Variants in DNM3 observed in about 807,000 individuals in gnomAD.
DNM3 encodes dynamin 3.
A neutral mutation model predicts 101.6 loss-of-function variants in DNM3; 47 were observed. That is an observed-to-expected ratio of 0.46 (90% confidence interval 0.37 to 0.59). The LOEUF is 0.59. DNM3 is among the 20% of genes least tolerant of loss of function. DNM3 has a pLI of 0.00. For missense variants in DNM3, 849 were observed against 1,085.7 expected (o/e 0.78, Z 3.06); for synonymous variants, 385 against 387.9 (o/e 0.99, Z 0.09).
intron 2 of DNM3, among the ~76,000 whole-genome samples, chr1:171,926,250 A>G (rs2040563103): frequency 6.6e-6 from 1 of 151,990 alleles, no homozygotes; most frequent in Non-Finnish European, 1.5e-5. Flanking sequence ...ATTCTGTGAA[A>G]GATGATGTTG....
intron 14 of DNM3, among the ~76,000 whole-genome samples, chr1:172,229,460 A>G (rs2061252762): frequency 6.6e-6 from 1 of 152,162 alleles, no homozygotes; most frequent in African/African-American, 2.4e-5. Flanking sequence ...TTTGTAATGA[A>G]CAGCACACTC....
chr1:172,281,787 A>C (rs980358756), intron 15 of DNM3, among the ~76,000 whole-genome samples: 1 of 152,050 alleles, frequency 6.6e-6, no homozygotes, highest in African/African-American at 2.4e-5. Context: ...CACTGAGATA[A>C]ATGTTCCTAA....
intron 2 of DNM3, among the ~76,000 whole-genome samples, chr1:171,960,603 T>C (rs1456160289): frequency 6.6e-6 from 1 of 152,112 alleles, no homozygotes; most frequent in Non-Finnish European, 1.5e-5. Context: ...ATTAATGGGT[T>C]ATTATGAGGG....
intron 2 of DNM3, among the ~76,000 whole-genome samples, chr1:171,942,266 G>A (rs1464359767): frequency 1.4e-5 from 2 of 142,092 alleles, no homozygotes; most frequent in Non-Finnish European, 3.0e-5. Flanking sequence ...CTTGGAGTCT[G>A]GACCTCAGTT....
intron 1 of DNM3, among the ~76,000 whole-genome samples, chr1:171,898,566 A>G (rs1195178321): frequency 1.3e-5 from 2 of 152,156 alleles, no homozygotes; most frequent in Non-Finnish European, 2.9e-5. Flanking sequence ...AGATAAAACT[A>G]AAAGAAAATA....
At chr1:171,850,907 C>G (rs75258936) in intron 1 of DNM3, among the ~76,000 whole-genome samples, 1,544 of 151,894 alleles carry the variant, frequency 0.01, 31 homozygotes, top group African/African-American at 0.036. Context: ...TAGGGACATA[C>G]GAAGAGAAAA....
chr1:172,350,398 T>A (rs1183271538), intron 17 of DNM3, among the ~76,000 whole-genome samples: 1 of 152,084 alleles, frequency 6.6e-6, no homozygotes, highest in Non-Finnish European at 1.5e-5. Context: ...AATATGCTGA[T>A]GAACACAGAG....
At position 172,116,980 on chromosome 1, in the gene DNM3, C is replaced by T. The variant is rs183152875; in HGVS notation, c.1546-14195C>T. 4.5e-3 allele frequency among the ~76,000 whole-genome samples: 683 copies of T among 152,006 alleles called. 4 individuals are homozygous for T. Among genetic ancestry groups the T allele is most frequent in the Non-Finnish European group, 7.5e-3 (513 of 67,956 alleles). On this transcript the variant is annotated intron_variant, in intron 13 of 20. Transcript: ENST00000627582. ...CATCACTTTGGGAGGCTGAGGTGGG[C>T]GGATCACCTGAGGTTGGGAGTTTGA...
At chr1:172,281,372 A>G (rs2063485171) in intron 15 of DNM3, among the ~76,000 whole-genome samples, 1 of 152,114 alleles carries the variant, frequency 6.6e-6, no homozygotes, top group Non-Finnish European at 1.5e-5. Context: ...TCACAAATGA[A>G]TCATCACAAT....
chr1:172,110,557 T>C (rs1316576851), intron 13 of DNM3, among the ~76,000 whole-genome samples: 1 of 152,220 alleles, frequency 6.6e-6, no homozygotes, highest in Non-Finnish European at 1.5e-5. Flanking sequence ...AAATGTTCTA[T>C]AAAATAATGA....
intron 15 of DNM3, among the ~76,000 whole-genome samples, chr1:172,288,908 A>G (rs184542484): frequency 1.3e-5 from 2 of 152,320 alleles, no homozygotes; most frequent in East Asian, 1.9e-4. Flanking sequence ...AGTATTTCTC[A>G]TAGAAAGTTA....
intron 17 of DNM3, among the ~76,000 whole-genome samples, chr1:172,342,058 T>G (rs1463370953): frequency 6.6e-6 from 1 of 152,026 alleles, no homozygotes; most frequent in Non-Finnish European, 1.5e-5. Flanking sequence ...CAAAATGAGA[T>G]AGCATCTCAT....
At chr1:171,935,559 A>C (rs2041343918) in intron 2 of DNM3, among the ~76,000 whole-genome samples, 1 of 152,122 alleles carries the variant, frequency 6.6e-6, no homozygotes, top group South Asian at 2.1e-4. Context: ...GCAAGGGAGC[A>C]GGAGAGGGTC....
chr1:172,321,518 C>T (rs1046722679), intron 16 of DNM3, among the ~76,000 whole-genome samples: 2 of 152,126 alleles, frequency 1.3e-5, no homozygotes, highest in Non-Finnish European at 2.9e-5. Context: ...ATGACTGTTA[C>T]GCCTCTCTCA....
chr1:172,268,410 G>T (rs1031920410), intron 15 of DNM3, among the ~76,000 whole-genome samples: 2 of 151,990 alleles, frequency 1.3e-5, no homozygotes, highest in African/African-American at 4.8e-5. Context: ...TTGTCATATG[G>T]TTCTGATCCT....
At chr1:172,154,173 G>T (rs1211029138) in intron 14 of DNM3, among the ~76,000 whole-genome samples, 1 of 152,040 alleles carries the variant, frequency 6.6e-6, no homozygotes, top group Non-Finnish European at 1.5e-5. Context: ...TTTCCCAAAT[G>T]GAATCAGGTG....
chr1:172,047,972 A>G (rs2049938819), intron 9 of DNM3, among the ~76,000 whole-genome samples: 1 of 152,064 alleles, frequency 6.6e-6, no homozygotes, highest in African/African-American at 2.4e-5. Context: ...TTCATTTTTT[A>G]TGAATCACAT....
At chr1:172,298,250 G>A (rs1220659945) in intron 15 of DNM3, among the ~76,000 whole-genome samples, 1 of 151,920 alleles carries the variant, frequency 6.6e-6, no homozygotes, top group Non-Finnish European at 1.5e-5. Flanking sequence ...TTCCCTCTCT[G>A]ACTGTTAGCT....
chr1:172,122,240 A>G (rs2148019315), intron 13 of DNM3, among the ~76,000 whole-genome samples: 1 of 152,328 alleles, frequency 6.6e-6, no homozygotes, highest in Non-Finnish European at 1.5e-5. Flanking sequence ...ATTTTGATAT[A>G]TATTACAATT....
Sources: gnomAD v4.1 joint callset for allele counts (sites outside exome capture counted in the v4.1 genomes callset) on GRCh38, gnomAD v4.1.1 for gene constraint, MANE v1.5 for transcripts, NCBI Gene and HGNC (gene_info 2026-07-23, HGNC 2026-07-21) for gene names.